The following ASCC2 variants were observed in gnomAD, a reference collection of about 807,000 sequenced individuals.
ASCC2 encodes the protein ASC-1 complex subunit P100.
In ASCC2, 42 loss-of-function variants were observed where a neutral mutation model predicts 93.5. The ratio of observed to expected loss-of-function variants is 0.45; its 90% CI spans 0.35 to 0.58. ASCC2 has a LOEUF of 0.58. Ranked by LOEUF, ASCC2 falls within the 20% of genes least tolerant of loss-of-function variation. ASCC2 has a pLI of 0.00. For synonymous variants in ASCC2, 364 were observed against 384.2 expected, an observed-to-expected ratio of 0.95 and a Z score of 0.62; for missense variants, 859 against 977.6, an observed-to-expected ratio of 0.88 and a Z score of 1.62.
At chr22:29,838,138 C>T (rs1339040204) in intron 1 of ASCC2, 40 bp downstream of exon 1, 2 of 460,860 alleles carry the variant, frequency 4.3e-6, no homozygotes, top group Non-Finnish European at 4.3e-6. Flanking sequence ...CCTCCGGGGT[C>T]CCTTGCCCTG....
chr22:29,796,441 G>A (rs1036597324), intron 15 of ASCC2, among the ~76,000 whole-genome samples: 1 of 152,130 alleles, frequency 6.6e-6, no homozygotes, highest in African/African-American at 2.4e-5. Context: ...TGTGCTGAAC[G>A]GAAGCCCTGG....
At chr22:29,833,812 G>T (rs187579232) in intron 1 of ASCC2, among the ~76,000 whole-genome samples, 36 of 151,976 alleles carry the variant, frequency 2.4e-4, no homozygotes, top group Middle Eastern at 6.8e-3. Flanking sequence ...GCTACCAGCT[G>T]TGTCATATCT....
At position 29,822,527 on chromosome 22, in the gene ASCC2, A is replaced by G. The variant is rs961458709; in HGVS notation, c.412-63T>C. 1.9e-6 allele frequency: 3 copies of G among 1,582,656 alleles called. No homozygotes were observed. The African/African-American group carries it at 4.0e-5, about 21-fold the overall frequency. On this transcript the variant is annotated intron_variant, in intron 4 of 19. Coordinates refer to ENST00000307790, the MANE Select transcript of ASCC2 (RefSeq NM_032204.5). ...TGAACACTCCTACATTATAAATAGCAAACTCATGAGAAACGATCTTTGGTT... is the reference window on the plus strand; with the variant it reads ...TGAACACTCCTACATTATAAATAGCGAACTCATGAGAAACGATCTTTGGTT...
chr22:29,809,074 C>T (rs956245182), intron 8 of ASCC2, among the ~76,000 whole-genome samples: 15 of 148,952 alleles, frequency 1.0e-4, no homozygotes, highest in African/African-American at 1.7e-4. Context: ...GAGCCAAGAT[C>T]GCCCCCCACT....
intron 5 of ASCC2, 102 bp downstream of exon 5, chr22:29,822,233 C>A: frequency 6.7e-7 from 1 of 1,500,568 alleles, no homozygotes; most frequent in Non-Finnish European, 9.1e-7. Context: ...GCCCCTATCG[C>A]CCTGAGTCCC....
intron 8 of ASCC2, among the ~76,000 whole-genome samples, chr22:29,812,850 G>C (rs918296468): frequency 2.0e-5 from 3 of 151,202 alleles, no homozygotes; most frequent in African/African-American, 7.3e-5. Flanking sequence ...TTCCCCCCAG[G>C]CTACTCTATT....
At chr22:29,794,827 A>G (rs1445352876) in intron 15 of ASCC2, among the ~76,000 whole-genome samples, 3 of 152,252 alleles carry the variant, frequency 2.0e-5, no homozygotes, top group Non-Finnish European at 4.4e-5. Context: ...TATGATCCCA[A>G]AAGCAAACTA....
Position 29,813,320 on chromosome 22 carries a change from G to A in ASCC2, c.833+110C>T, listed in dbSNP as rs73394816. The A allele has an allele frequency of 0.018, 14,258 of 778,162 alleles. 1,342 individuals are homozygous for A. The African/African-American group carries it at 0.21, about 12-fold the overall frequency. 48.2% of individuals were successfully genotyped at this position (778,162 alleles called of 1,614,324 possible). On this transcript the variant is annotated intron_variant, in intron 8 of 19. Transcript: ENST00000307790. ...CTGCTGCATCCCCAGGCTGGAAGAG[G>A]GACTGGTACATTCTAAGCACCCAGT... is the stretch of plus-strand genomic sequence containing the variant.
chr22:29,804,948 C>A (rs1042455602), intron 12 of ASCC2, 118 bp from the exon 13 acceptor site: 7 of 1,113,272 alleles, frequency 6.3e-6, no homozygotes, highest in East Asian at 2.4e-5. Flanking sequence ...TGGGCTATAT[C>A]TAAGTGGTAT....
intron 8 of ASCC2, among the ~76,000 whole-genome samples, chr22:29,812,153 CTAAA>C (rs2060344098): frequency 6.6e-6 from 1 of 152,140 alleles, no homozygotes; most frequent in South Asian, 2.1e-4. Context: ...CATGTAAGGA[CTAAA>C]TAAATGTTTT....
At chr22:29,807,397 T>C (rs1162644420) in intron 9 of ASCC2, among the ~76,000 whole-genome samples, 6 of 152,162 alleles carry the variant, frequency 3.9e-5, no homozygotes, top group South Asian at 2.1e-4. Flanking sequence ...CCAGAGAAGA[T>C]AGCTGCTTCC....
chr22:29,827,308 G>GT (rs1185811078), intron 2 of ASCC2, among the ~76,000 whole-genome samples: 1 of 151,984 alleles, frequency 6.6e-6, no homozygotes, highest in African/African-American at 2.4e-5. Flanking sequence ...TACATAACGG[G>GT]TGCTTTCTCT....
chr22:29,831,813 A>C (rs2063185109), intron 2 of ASCC2, among the ~76,000 whole-genome samples: 1 of 152,176 alleles, frequency 6.6e-6, no homozygotes, highest in Non-Finnish European at 1.5e-5. Context: ...CTCAGTTGAG[A>C]TAAAAGACGG....
chr22:29,827,423 A>G (rs1198465880), intron 2 of ASCC2: 1 of 336,994 alleles, frequency 3.0e-6, no homozygotes, highest in East Asian at 8.6e-5. Context: ...AAAAATTGAG[A>G]CTGATAAGAG....
intron 7 of ASCC2, 26 bp downstream of exon 7, chr22:29,814,631 G>A (rs761983042): frequency 5.1e-6 from 8 of 1,561,968 alleles, no homozygotes; most frequent in Non-Finnish European, 6.9e-6. Context: ...CGGCAGGAAA[G>A]AGACTGGGCC....
intron 1 of ASCC2, chr22:29,833,668 T>C (rs976044135): frequency 4.3e-5 from 20 of 468,964 alleles, no homozygotes; most frequent in Non-Finnish European, 8.4e-5. Context: ...AGAAGTGTAT[T>C]AGGCCCCTCA....
rs748807345 is a variant in ASCC2, at chr22:29,808,205, G to A, written c.834-20C>T. The A allele has an allele frequency of 3.7e-6, 6 of 1,612,440 alleles. No individual in the cohort carries two copies. In the African/African-American group the frequency reaches 5.3e-5, roughly 14 times the overall value. On this transcript the variant is annotated intron_variant, in intron 8 of 19. Coordinates refer to ENST00000307790, the MANE Select transcript of ASCC2 (RefSeq NM_032204.5). ...GCTAGTCTGTGCAGGCACACACAGG[G>A]AAAATGTTGGATTAGTTCATAAATA...
At position 29,790,478 on chromosome 22, in the gene ASCC2, G is replaced by T; in HGVS notation, c.2093C>A (p.Ala698Asp). ...KAEARRMAFLAKKGYRHDSST... is the reference protein window; with the variant it reads ...KAEARRMAFLDKKGYRHDSST... The stretch of plus-strand genomic sequence containing the variant: ...CCCCTTGAATGCTCACCCTTTCTTG[G>T]CGAGAAAGGCCATGCGCCTGGCTTC... The change falls in exon 19 of 20, where the codon GCC becomes GAC. Residue 698 changes from alanine (A) to aspartate (D), a missense_variant. Coordinates refer to ENST00000307790, the MANE Select transcript of ASCC2 (RefSeq NM_032204.5). 2 of 1,614,092 alleles carry T rather than the reference G, an allele frequency of 1.2e-6. No individual in the cohort carries two copies. Among genetic ancestry groups the T allele is most frequent in the Non-Finnish European group, 1.7e-6 (2 of 1,180,018 alleles).
intron 13 of ASCC2, among the ~76,000 whole-genome samples, chr22:29,802,737 G>GT (rs1285240728): frequency 6.6e-6 from 1 of 152,070 alleles, no homozygotes; most frequent in Non-Finnish European, 1.5e-5. Flanking sequence ...GAGCTCAGGA[G>GT]TTTGAGACCA....
Sources: allele counts gnomAD v4.1 joint callset (sites outside exome capture counted in the v4.1 genomes callset), GRCh38; gene constraint gnomAD v4.1.1; transcripts MANE v1.5; gene names NCBI Gene and HGNC (gene_info 2026-07-23, HGNC 2026-07-21).